Variants in KCNK2 observed in about 807,000 individuals in gnomAD.
KCNK2 encodes potassium channel subfamily K member 2.
A neutral mutation model predicts 40.5 loss-of-function variants in KCNK2; 21 were observed. The observed-to-expected ratio is 0.52, with a 90% CI of 0.37 to 0.75. The LOEUF is 0.75. KCNK2 is among the 30% of genes least tolerant of loss of function. The pLI is 0.00. For synonymous variants in KCNK2, 191 were observed against 202.2 expected (o/e 0.94, Z 0.47); for missense variants, 399 against 531.6 (o/e 0.75, Z 2.45).
chr1:215,088,784 C>A (rs556796800), intron 2 of KCNK2, among the ~76,000 whole-genome samples: 2 of 152,134 alleles, frequency 1.3e-5, no homozygotes, highest in Non-Finnish European at 2.9e-5. Context: ...AAGCAGAAAT[C>A]AAAATATGAC....
chr1:215,152,223 TAGATAG>T (rs1662716376), intron 3 of KCNK2, among the ~76,000 whole-genome samples: 1 of 151,938 alleles, frequency 6.6e-6, no homozygotes, highest in East Asian at 1.9e-4. Flanking sequence ...GGCCTCTGAG[TAGATAG>T]AACATTTTAG....
chr1:215,094,054 A>G (rs1028930459), intron 2 of KCNK2, among the ~76,000 whole-genome samples: 1 of 147,548 alleles, frequency 6.8e-6, no homozygotes, highest in Non-Finnish European at 1.5e-5. Flanking sequence ...GCACCAACCT[A>G]ATACAATGAT....
intron 2 of KCNK2, among the ~76,000 whole-genome samples, chr1:215,086,994 T>G (rs561395133): frequency 6.6e-6 from 1 of 152,244 alleles, no homozygotes; most frequent in Non-Finnish European, 1.5e-5. Flanking sequence ...CTTTGCCCTG[T>G]CTTAGAAGTG....
chr1:215,182,111 C>T (rs1664240281), intron 5 of KCNK2, among the ~76,000 whole-genome samples: 1 of 152,104 alleles, frequency 6.6e-6, no homozygotes, highest in Non-Finnish European at 1.5e-5. Context: ...GCAGAGAGTG[C>T]CCCCCTGCAC....
At chr1:215,120,302 A>G (rs972831018) in intron 2 of KCNK2, among the ~76,000 whole-genome samples, 2 of 152,186 alleles carry the variant, frequency 1.3e-5, no homozygotes, top group Non-Finnish European at 1.5e-5. Flanking sequence ...GCTATAGTCA[A>G]TAAAATAATT....
chr1:215,089,298 C>T (rs773553948), intron 2 of KCNK2, among the ~76,000 whole-genome samples: 58 of 152,170 alleles, frequency 3.8e-4, no homozygotes, highest in Non-Finnish European at 6.2e-4. Context: ...GAAGTCTCTG[C>T]TCTTTTGGAG....
At chr1:215,214,325 AACTC>A (rs1280266564) in intron 6 of KCNK2, among the ~76,000 whole-genome samples, 13 of 152,248 alleles carry the variant, frequency 8.5e-5, no homozygotes, top group African/African-American at 2.6e-4. Context: ...ATCTTACAGT[AACTC>A]ACTCACTATC....
At chr1:215,037,592 A>T (rs1184915700) in intron 1 of KCNK2, among the ~76,000 whole-genome samples, 1 of 151,986 alleles carries the variant, frequency 6.6e-6, no homozygotes, top group East Asian at 1.9e-4. Context: ...TTTCTGAAAG[A>T]GTTGTGTATA....
At chr1:215,144,403 C>T (rs1662323387) in intron 3 of KCNK2, among the ~76,000 whole-genome samples, 1 of 152,090 alleles carries the variant, frequency 6.6e-6, no homozygotes, top group Non-Finnish European at 1.5e-5. Flanking sequence ...ACACATCATT[C>T]AGGTGGGTTG....
intron 5 of KCNK2, among the ~76,000 whole-genome samples, chr1:215,177,740 A>ATATATTTTTTT (rs71167812): frequency 2.6e-4 from 26 of 101,570 alleles, no homozygotes; most frequent in Non-Finnish European, 4.0e-4. Flanking sequence ...ATATATATAT[A>ATATATTTTTTT]TTTTTTTTTT....
intron 3 of KCNK2, among the ~76,000 whole-genome samples, chr1:215,165,258 T>C (rs937957834): frequency 3.9e-5 from 6 of 152,180 alleles, no homozygotes; most frequent in African/African-American, 1.4e-4. Flanking sequence ...ATTCACATAG[T>C]TGGAATCAGC....
At chr1:215,070,699 G>A (rs1258380853) in intron 1 of KCNK2, among the ~76,000 whole-genome samples, 1 of 152,134 alleles carries the variant, frequency 6.6e-6, no homozygotes, top group African/African-American at 2.4e-5. Context: ...TGGGAATTAT[G>A]AGAGCTACGG....
At chr1:215,216,795 T>G (rs1404148376) in intron 6 of KCNK2, among the ~76,000 whole-genome samples, 1 of 152,166 alleles carries the variant, frequency 6.6e-6, no homozygotes, top group Non-Finnish European at 1.5e-5. Flanking sequence ...GTGTGTATGT[T>G]ACACTTAGAG....
chr1:215,065,371 T>A (rs1201533449), intron 1 of KCNK2, among the ~76,000 whole-genome samples: 3 of 151,420 alleles, frequency 2.0e-5, no homozygotes, highest in African/African-American at 7.3e-5. Flanking sequence ...ACAAATGACT[T>A]AGACTTGATC....
chr1:215,216,277 A>G (rs1247273323), intron 6 of KCNK2, among the ~76,000 whole-genome samples: 2 of 151,192 alleles, frequency 1.3e-5, no homozygotes, highest in Non-Finnish European at 2.9e-5. Flanking sequence ...ATTGTAGTCC[A>G]GTTTAAAGAT....
chr1:215,228,386 G>C (rs965520853), intron 6 of KCNK2, among the ~76,000 whole-genome samples: 4 of 152,102 alleles, frequency 2.6e-5, no homozygotes, highest in Non-Finnish European at 5.9e-5. Flanking sequence ...TTAGTGAGGT[G>C]GATGAGAACA....
At chr1:215,115,160 C>A (rs1410821027) in intron 2 of KCNK2, among the ~76,000 whole-genome samples, 1 of 152,008 alleles carries the variant, frequency 6.6e-6, no homozygotes, top group African/African-American at 2.4e-5. Flanking sequence ...AAAATATTGC[C>A]TTTCTGTGGA....
intron 3 of KCNK2, among the ~76,000 whole-genome samples, chr1:215,155,413 T>A (rs1662872693): frequency 6.6e-6 from 1 of 152,192 alleles, no homozygotes; most frequent in South Asian, 2.1e-4. Context: ...TTATTCCAGA[T>A]GGATTTTAGA....
At chr1:215,052,674 C>T (rs1034448274) in intron 1 of KCNK2, among the ~76,000 whole-genome samples, 12 of 152,168 alleles carry the variant, frequency 7.9e-5, no homozygotes, top group African/African-American at 2.7e-4. Flanking sequence ...AATTGTTAGC[C>T]CCCTAAAATG....
Sources: allele counts gnomAD v4.1 joint callset (sites outside exome capture counted in the v4.1 genomes callset), GRCh38; gene constraint gnomAD v4.1.1; transcripts MANE v1.5; gene names NCBI Gene and HGNC (gene_info 2026-07-23, HGNC 2026-07-21).